Variants in PIGN observed in about 807,000 individuals in gnomAD.
PIGN encodes the protein GPI ethanolamine phosphate transferase 1.
In PIGN, 117 loss-of-function variants were observed where a neutral mutation model predicts 125.4. The observed-to-expected ratio is 0.93, with a 90% CI of 0.80 to 1.09. The LOEUF (loss-of-function observed/expected upper bound fraction) is 1.09. Ranked by LOEUF, PIGN falls within the 50% of genes least tolerant of loss-of-function variation. The pLI is 0.00. For synonymous variants in PIGN, 392 were observed against 377.8 expected, an observed-to-expected ratio of 1.04 and a Z score of -0.44; for missense variants, 1,075 against 1,094.9, an observed-to-expected ratio of 0.98 and a Z score of 0.26.
intron 30 of PIGN, among the ~76,000 whole-genome samples, chr18:62,071,460 T>C (rs2032840141): frequency 6.6e-6 from 1 of 152,202 alleles, no homozygotes; most frequent in Admixed American, 6.5e-5. Context: ...CTTAAAATAA[T>C]TGCTAATTGC....
chr18:62,085,524 A>C (rs2033657001), intron 25 of PIGN, among the ~76,000 whole-genome samples: 2 of 152,070 alleles, frequency 1.3e-5, no homozygotes, highest in African/African-American at 4.8e-5. Context: ...CCTCTTCCCT[A>C]ATATGAGCAA....
intron 30 of PIGN, among the ~76,000 whole-genome samples, chr18:62,063,499 T>C (rs899834053): frequency 2.0e-5 from 3 of 150,910 alleles, no homozygotes; most frequent in Admixed American, 2.0e-4. Context: ...CCAAAATCTA[T>C]GGTTTCTGAA....
chr18:62,157,412 G>A (rs1383965070), intron 5 of PIGN, among the ~76,000 whole-genome samples, 185 bp from the exon 6 acceptor site: 1 of 151,968 alleles, frequency 6.6e-6, no homozygotes, highest in African/African-American at 2.4e-5. Flanking sequence ...ACTTCTTAAT[G>A]AAATATAAAA....
At chr18:62,125,001 CTAA>C (rs1436972271) in intron 14 of PIGN, among the ~76,000 whole-genome samples, 2 of 150,370 alleles carry the variant, frequency 1.3e-5, no homozygotes, top group African/African-American at 2.5e-5. Flanking sequence ...ACATATCTTA[CTAA>C]TGTTAGCATT....
intron 7 of PIGN, among the ~76,000 whole-genome samples, chr18:62,153,148 T>C (rs1405167787): frequency 6.6e-6 from 1 of 152,124 alleles, no homozygotes; most frequent in Non-Finnish European, 1.5e-5. Flanking sequence ...TACCAATCCA[T>C]CCCTATCCAT....
intron 30 of PIGN, among the ~76,000 whole-genome samples, chr18:62,065,161 T>C (rs2032433286): frequency 1.3e-5 from 2 of 152,202 alleles, no homozygotes; most frequent in South Asian, 4.1e-4. Flanking sequence ...TTCTTTCCTT[T>C]GCATGCCTTC....
Position 62,112,748 on chromosome 18 carries a change from A to G in PIGN, c.1434+386T>C, listed in dbSNP as rs146804863. On this transcript the variant is annotated intron_variant, in intron 16 of 30. Coordinates refer to ENST00000640252, the MANE Select transcript of PIGN (RefSeq NM_176787.5). ...TAATTTTATTGTTCTCTAGCTCCCA[A>G]ACTTTTAATATCAAATAAAATTAAA... The G allele has an allele frequency of 1.3e-4, 27 of 201,636 alleles. No homozygotes were observed. In the East Asian group the frequency reaches 2.8e-3, roughly 21 times the overall value. 12.5% of individuals were successfully genotyped at this position (201,636 alleles called of 1,614,324 possible).
chr18:62,101,646 A>C (rs2034441915), intron 21 of PIGN, among the ~76,000 whole-genome samples: 1 of 152,316 alleles, frequency 6.6e-6, no homozygotes, highest in Non-Finnish European at 1.5e-5. Flanking sequence ...TCCAAAAATG[A>C]ATTTAACTTG....
At chr18:62,054,140 C>A (rs1394573944) in intron 30 of PIGN, among the ~76,000 whole-genome samples, 2 of 152,136 alleles carry the variant, frequency 1.3e-5, no homozygotes, top group African/African-American at 4.8e-5. Context: ...TGCACCCCAT[C>A]CCCCTGAAAG....
At chr18:62,018,246 G>A (rs2144853166) in intron 23 of PIGN, among the ~76,000 whole-genome samples, 1 of 152,298 alleles carries the variant, frequency 6.6e-6, no homozygotes, top group African/African-American at 2.4e-5. Flanking sequence ...CAGCTGCTCT[G>A]GTAGAGCTGG....
At chr18:62,085,596 G>C (rs759973993) in intron 25 of PIGN, among the ~76,000 whole-genome samples, 1 of 152,052 alleles carries the variant, frequency 6.6e-6, no homozygotes, top group Admixed American at 6.6e-5. Flanking sequence ...TGGATCTAGT[G>C]TGTATCATAG....
chr18:62,042,669 A>G lies in PIGN; in HGVS notation c.*3187T>C, dbSNP rs2030422848. On this transcript the variant is annotated 3_prime_UTR_variant, in exon 31 of 31. Coordinates refer to ENST00000640252, the MANE Select transcript of PIGN (RefSeq NM_176787.5). Reference sequence around the variant, plus strand: ...ATGTTTCCTTCTCATTTTTTTTTTAAATAACAAAGCATCATAAAGAAATCC... The same window carrying G: ...ATGTTTCCTTCTCATTTTTTTTTTAGATAACAAAGCATCATAAAGAAATCC... 6.6e-6 allele frequency: 1 copy of G among 151,864 alleles called. No individual in the cohort carries two copies. The highest frequency in any genetic ancestry group is 2.4e-5 in the African/African-American group (1 of 41,380). 9.4% of individuals were successfully genotyped at this position (151,864 alleles called of 1,614,324 possible). A position where few individuals can be genotyped will look rare whatever the true frequency, so the allele number is the denominator to read the frequency against.
At chr18:62,129,046 G>T (rs2035637797) in intron 14 of PIGN, among the ~76,000 whole-genome samples, 1 of 152,020 alleles carries the variant, frequency 6.6e-6, no homozygotes, top group Admixed American at 6.6e-5. Context: ...TCAACACCTG[G>T]CTTTCTCTCC....
chr18:62,147,069 T>C lies in PIGN; in HGVS notation c.707A>G (p.Asp236Gly). 6.2e-7 allele frequency: 1 copy of C among 1,606,366 alleles called. No homozygotes were observed. The highest frequency in any genetic ancestry group is 1.1e-5 in the South Asian group (1 of 90,644). Reference protein sequence around the residue: ...DYKHNIKKVDDGVKEIVSMFN... With the variant: ...DYKHNIKKVDGGVKEIVSMFN... ...CATAGACACGATTTCTTTAACTCCATCATCAACTTTTTTAATATTGTGCTT... is the reference window on the plus strand; with the variant it reads ...CATAGACACGATTTCTTTAACTCCACCATCAACTTTTTTAATATTGTGCTT... Residue 236 changes from aspartate (D) to glycine (G), a missense_variant, in exon 9 of 31, where the codon GAT becomes GGT. By Grantham distance (94) the Asp-to-Gly change is moderately conservative. Around this residue, in one of 3 missense-constraint regions of PIGN, gnomAD observed 915 missense variants for 908.7 expected, o/e 1.01. Coordinates refer to ENST00000640252, the MANE Select transcript of PIGN (RefSeq NM_176787.5).
intron 22 of PIGN, among the ~76,000 whole-genome samples, chr18:62,099,965 G>T (rs4281823): frequency 0.022 from 3,381 of 152,080 alleles, 105 homozygotes; most frequent in African/African-American, 0.058. Context: ...GTAGACAAAG[G>T]GGATTATATC....
intron 21 of PIGN, among the ~76,000 whole-genome samples, chr18:62,102,306 G>A (rs1021810456): frequency 2.8e-5 from 4 of 144,040 alleles, no homozygotes; most frequent in Non-Finnish European, 4.5e-5. Flanking sequence ...AGTATGCAGC[G>A]TAACTGGGAA....
chr18:62,114,359 C>CAAAA (rs373385473), intron 15 of PIGN, among the ~76,000 whole-genome samples: 1 of 111,384 alleles, frequency 9.0e-6, no homozygotes, highest in Admixed American at 9.6e-5. Context: ...CACTCTGTCT[C>CAAAA]AAAAAAAAAA....
chr18:62,095,902 C>T lies in PIGN; in HGVS notation c.2126G>A (p.Arg709Gln), dbSNP rs397514475. 10 of 1,613,092 alleles carry T rather than the reference C, an allele frequency of 6.2e-6. No individual in the cohort carries two copies. Among genetic ancestry groups the T allele is most frequent in the Middle Eastern group, 1.6e-4 (1 of 6,082 alleles). Residue 709 changes from arginine to glutamine, a missense_variant, in exon 23 of 31, where the codon CGA (arginine) becomes CAA (glutamine). Transcript: ENST00000640252. ...PLLSSPVLFQ[R>Q]LFSILLSLMS... ...CAATGAAAGAAGTATGCTGAACAAT[C>T]GCTGAAAGAGAACTGGAGAACTCAG...
At chr18:62,181,388 A>G (rs1441237116) in intron 1 of PIGN, among the ~76,000 whole-genome samples, 1 of 152,130 alleles carries the variant, frequency 6.6e-6, no homozygotes, top group Non-Finnish European at 1.5e-5. Context: ...TGACCACCTA[A>G]ATCTCAAACA....
Sources: allele counts gnomAD v4.1 joint callset (sites outside exome capture counted in the v4.1 genomes callset), GRCh38; gene constraint gnomAD v4.1.1; regional missense constraint gnomAD v4.1.1; transcripts MANE v1.5; gene names NCBI Gene and HGNC (gene_info 2026-07-23, HGNC 2026-07-21).